Variants in VAV3 observed in about 807,000 individuals in gnomAD.
VAV3 encodes the protein guanine nucleotide exchange factor VAV3.
In VAV3, 94 loss-of-function variants were observed where a neutral mutation model predicts 131.2. The observed-to-expected ratio is 0.72, with a 90% CI of 0.61 to 0.85. VAV3 has a LOEUF of 0.85. Among genes scored for constraint, VAV3 ranks in the 40% least tolerant of loss-of-function variants. The pLI, the probability that VAV3 is intolerant of heterozygous loss-of-function variation, is 0.00. For synonymous variants in VAV3, 349 were observed against 342.0 expected (o/e 1.02, Z -0.22); for missense variants, 939 against 1,002.7 (o/e 0.94, Z 0.86).
chr1:107,952,344 A>G (rs569267479), intron 1 of VAV3, among the ~76,000 whole-genome samples: 1 of 151,834 alleles, frequency 6.6e-6, no homozygotes, highest in South Asian at 2.1e-4. Context: ...AGGATCAAGA[A>G]AAATCACTAA....
intron 15 of VAV3, among the ~76,000 whole-genome samples, chr1:107,706,050 G>T (rs1358676882): frequency 2.0e-5 from 3 of 152,084 alleles, no homozygotes; most frequent in African/African-American, 7.2e-5. Flanking sequence ...TGAGGTTTTT[G>T]CTATTATTTT....
At chr1:107,720,218 A>T (rs1248386858) in intron 15 of VAV3, among the ~76,000 whole-genome samples, 1 of 151,806 alleles carries the variant, frequency 6.6e-6, no homozygotes, top group Non-Finnish European at 1.5e-5. Flanking sequence ...ATAAAAAAAT[A>T]AAAATAAATA....
intron 2 of VAV3, among the ~76,000 whole-genome samples, chr1:107,780,674 C>A (rs1366922037): frequency 6.6e-6 from 1 of 152,104 alleles, no homozygotes; most frequent in Non-Finnish European, 1.5e-5. Flanking sequence ...CACCACCATG[C>A]CTGGCTAATG....
chr1:107,901,031 A>T (rs987414667), intron 1 of VAV3, among the ~76,000 whole-genome samples: 2 of 152,244 alleles, frequency 1.3e-5, no homozygotes, highest in Admixed American at 6.5e-5. Context: ...GCAATAAGAT[A>T]TGCCAGACTG....
chr1:107,924,943 C>T (rs138770008), intron 1 of VAV3, among the ~76,000 whole-genome samples: 255 of 152,190 alleles, frequency 1.7e-3, no homozygotes, highest in African/African-American at 5.9e-3. Context: ...AAGATATGTA[C>T]GCATTCAGCA....
At chr1:107,755,625 A>T in intron 11 of VAV3, 112 bp from the exon 12 acceptor site, 2 of 716,334 alleles carry the variant, frequency 2.8e-6, no homozygotes, top group Non-Finnish European at 4.6e-6. Context: ...TAACCACTGT[A>T]ACTTTTCAAA....
At chr1:107,891,335 A>T (rs1347166280) in intron 1 of VAV3, among the ~76,000 whole-genome samples, 1 of 152,148 alleles carries the variant, frequency 6.6e-6, no homozygotes, top group African/African-American at 2.4e-5. Flanking sequence ...ATCTTTCAGA[A>T]AATCTACCAA....
chr1:107,642,240 T>C (rs1302883605), intron 20 of VAV3, among the ~76,000 whole-genome samples: 1 of 152,054 alleles, frequency 6.6e-6, no homozygotes, highest in Non-Finnish European at 1.5e-5. Flanking sequence ...ATAAAACAGG[T>C]TGCAGTAAAG....
chr1:107,882,801 C>A (rs1213898688), intron 1 of VAV3, among the ~76,000 whole-genome samples: 1 of 152,168 alleles, frequency 6.6e-6, no homozygotes, highest in Non-Finnish European at 1.5e-5. Flanking sequence ...GAAATCATAC[C>A]TTCAAATATC....
chr1:107,753,302 A>G (rs907433797), intron 12 of VAV3, among the ~76,000 whole-genome samples: 3 of 151,776 alleles, frequency 2.0e-5, no homozygotes, highest in Non-Finnish European at 2.9e-5. Context: ...TCCAGGGGCC[A>G]GGGAAAGAGA....
chr1:107,720,632 C>T (rs555466495), intron 15 of VAV3, among the ~76,000 whole-genome samples: 11 of 152,162 alleles, frequency 7.2e-5, no homozygotes, highest in African/African-American at 2.6e-4. Flanking sequence ...GAGCTGAGAT[C>T]GCACCATTGC....
intron 15 of VAV3, among the ~76,000 whole-genome samples, chr1:107,706,660 G>C (rs1660472073): frequency 6.6e-6 from 1 of 152,110 alleles, no homozygotes; most frequent in African/African-American, 2.4e-5. Flanking sequence ...TTTGATTCTT[G>C]AGTCCATAAA....
rs114641820 is a variant in VAV3, at chr1:107,671,026, A to G, written c.1777+12462T>C. ...TGGGATCCCCAAAGCATGGCATTAC[A>G]GTTTTTTGAAATGGCAAAGTTTCTT... On this transcript the variant is annotated intron_variant, in intron 19 of 26. Transcript: ENST00000370056. 3.9e-3 allele frequency among the ~76,000 whole-genome samples: 597 copies of G among 152,348 alleles called. 6 individuals are homozygous for G. The highest frequency in any genetic ancestry group is 0.014 in the African/African-American group (577 of 41,580).
intron 19 of VAV3, among the ~76,000 whole-genome samples, chr1:107,657,160 C>T (rs1301063444): frequency 2.0e-5 from 3 of 151,844 alleles, no homozygotes; most frequent in Non-Finnish European, 2.9e-5. Context: ...TCACCATGTT[C>T]GCCAGGTTGA....
At chr1:107,609,909 C>T (rs1282474664) in intron 22 of VAV3, 22 bp downstream of exon 22, 1 of 1,610,474 alleles carries the variant, frequency 6.2e-7, no homozygotes, top group African/African-American at 1.3e-5. Context: ...AACCTAGCTA[C>T]ATAAACATTT....
intron 13 of VAV3, among the ~76,000 whole-genome samples, chr1:107,750,278 T>C (rs965259189): frequency 6.6e-6 from 1 of 152,246 alleles, no homozygotes; most frequent in African/African-American, 2.4e-5. Context: ...ATGAGCCAAG[T>C]GTAAACTGAA....
Position 107,874,974 on chromosome 1 carries a change from C to T in VAV3, c.248G>A (p.Cys83Tyr). The change falls in exon 2 of 27, where the codon TGT (cysteine) becomes TAT (tyrosine). Residue 83 changes from cysteine to tyrosine, a missense_variant. Cys to Tyr is a radical substitution (Grantham distance 194). Coordinates refer to ENST00000370056, the MANE Select transcript of VAV3 (RefSeq NM_006113.5). ...ACTTTTCCTCATTCCAAACGTCTCA[C>T]AACAGGCCGTGAGAAATGTCCTTAT... ...KNIRTFLTAC[C>Y]ETFGMRKSEL... The T allele has an allele frequency of 6.2e-7, 1 of 1,613,372 alleles. No individual in the cohort carries two copies. Among genetic ancestry groups the T allele is most frequent in the Non-Finnish European group, 8.5e-7 (1 of 1,179,554 alleles).
At chr1:107,813,085 C>T (rs916476897) in intron 2 of VAV3, among the ~76,000 whole-genome samples, 1 of 149,026 alleles carries the variant, frequency 6.7e-6, no homozygotes, top group African/African-American at 2.5e-5. Flanking sequence ...ATTGCGTGCA[C>T]TCTAGCCTAA....
At chr1:107,620,075 T>G (rs1406950409) in intron 20 of VAV3, among the ~76,000 whole-genome samples, 1 of 152,200 alleles carries the variant, frequency 6.6e-6, no homozygotes, top group African/African-American at 2.4e-5. Flanking sequence ...TAGTAGTATA[T>G]GTAATTATTG....
Sources: gnomAD v4.1 joint callset for allele counts (sites outside exome capture counted in the v4.1 genomes callset) on GRCh38, gnomAD v4.1.1 for gene constraint, MANE v1.5 for transcripts, NCBI Gene and HGNC (gene_info 2026-07-23, HGNC 2026-07-21) for gene names.